Variants in EYA2 observed in about 807,000 individuals in gnomAD.
The protein encoded by EYA2 is EYA transcriptional coactivator and phosphatase 2.
A neutral mutation model predicts 69.2 loss-of-function variants in EYA2; 31 were observed. That is an observed-to-expected ratio of 0.45 (90% CI 0.34 to 0.60). The LOEUF (loss-of-function observed/expected upper bound fraction) is 0.60. EYA2 is among the 20% of genes least tolerant of loss of function. The pLI is 0.02. For synonymous variants in EYA2, 257 were observed against 279.4 expected (o/e 0.92, Z 0.80); for missense variants, 622 against 701.2 (o/e 0.89, Z 1.28).
chr20:46,997,156 C>T (rs1431510787), intron 2 of EYA2, among the ~76,000 whole-genome samples: 1 of 152,120 alleles, frequency 6.6e-6, no homozygotes, highest in East Asian at 1.9e-4. Context: ...TGTGGTTCCC[C>T]AGGCCAGCAC....
In EYA2 at chr20:47,143,214, G is replaced by T. The variant is rs887581998; in HGVS notation, c.978+66G>T. 1.9e-5 allele frequency: 25 copies of T among 1,287,096 alleles called. No homozygotes were observed. In the African/African-American group the frequency reaches 3.6e-4, roughly 19 times the overall value. The allele number at this position is 1,287,096 out of a possible 1,614,324, so 79.7% of individuals were successfully genotyped here. A position where few individuals can be genotyped will look rare whatever the true frequency, so the allele number is the denominator to read the frequency against. On this transcript the variant is annotated intron_variant, in intron 10 of 15. Transcript: ENST00000327619. ...ATCACCTGCATCTAGTTTATGGGAA[G>T]AAGGATGCTGCCTTTCCTTTCTTTT...
rs541589274 is a variant in EYA2, at chr20:47,161,375, G to A, written c.979-7764G>A. On this transcript the variant is annotated intron_variant, in intron 10 of 15. Coordinates refer to ENST00000327619, the MANE Select transcript of EYA2 (RefSeq NM_005244.5). ...CCTTGAGCCTGGTGCGCTGGCTGGC[G>A]TGGGTCTGCTTTTGTACTGGCATGA... 9 of 434,386 alleles carry A rather than the reference G, an allele frequency of 2.1e-5. No homozygotes were observed. The East Asian group carries it at 2.5e-4, about 12-fold the overall frequency. 26.9% of individuals were successfully genotyped at this position (434,386 alleles called of 1,614,324 possible).
rs140618166 is a variant in EYA2 at position 47,088,539 on chromosome 20, T to G, written c.662-700T>G. 5.5e-3 allele frequency among the ~76,000 whole-genome samples: 839 copies of G among 152,218 alleles called. 9 individuals carry two copies. Among genetic ancestry groups the G allele is most frequent in the African/African-American group, 0.019 (797 of 41,542 alleles). ...CCTTCCCTGACTAGCCCCATATAAA[T>G]GAGTCACCTTTCAGCCCTCCCCGCT... On this transcript the variant is annotated intron_variant, in intron 7 of 15. Coordinates refer to ENST00000327619, the MANE Select transcript of EYA2 (RefSeq NM_005244.5).
intron 1 of EYA2, among the ~76,000 whole-genome samples, chr20:46,945,728 A>G (rs1978416024): frequency 1.3e-5 from 2 of 152,198 alleles, no homozygotes. Flanking sequence ...GTGTTACAGG[A>G]AGGGAATGCA....
chr20:46,928,336 T>G (rs781441165), intron 1 of EYA2, among the ~76,000 whole-genome samples: 15 of 152,218 alleles, frequency 9.9e-5, no homozygotes, highest in Non-Finnish European at 1.5e-4. Flanking sequence ...TGGCCACTCT[T>G]AAGCTTCGTG....
intron 1 of EYA2, among the ~76,000 whole-genome samples, chr20:46,907,978 T>C (rs987577313): frequency 6.6e-6 from 1 of 152,222 alleles, no homozygotes; most frequent in Non-Finnish European, 1.5e-5. Flanking sequence ...AATGTGTTTT[T>C]CTCTAGAAGC....
chr20:46,987,916 G>GTC (rs1555809755), intron 1 of EYA2, among the ~76,000 whole-genome samples: 17 of 20,328 alleles, frequency 8.4e-4, no homozygotes, highest in African/African-American at 2.0e-3. Flanking sequence ...GACAGAGTAA[G>GTC]TCTCTCTCTC....
intron 1 of EYA2, among the ~76,000 whole-genome samples, chr20:46,946,884 C>T (rs558845419): frequency 1.3e-5 from 2 of 148,268 alleles, no homozygotes; most frequent in African/African-American, 5.0e-5. Context: ...TGGCCTGTTT[C>T]TACTTCTTTG....
chr20:47,105,249 T>G (rs547404274), intron 9 of EYA2, among the ~76,000 whole-genome samples: 1 of 152,216 alleles, frequency 6.6e-6, no homozygotes, highest in Non-Finnish European at 1.5e-5. Flanking sequence ...TTTGTGGTTT[T>G]AACATAGCCT....
At position 47,183,371 on chromosome 20, in the gene EYA2, G is replaced by A. The variant is rs2034575252; in HGVS notation, c.1516G>A (p.Glu506Lys). 1 of 1,613,992 alleles carries A rather than the reference G, an allele frequency of 6.2e-7. No individual in the cohort carries two copies. The highest frequency in any genetic ancestry group is 1.3e-5 in the African/African-American group (1 of 74,922). The stretch of plus-strand genomic sequence containing the variant: ...CGTGGTGATCGGTGATGGTGTGGAA[G>A]AGGAGCAAGGAGCGAAAAAGGTACT... ...VYVVIGDGVE[E>K]EQGAKKHNMP... The change falls in exon 15 of 16, where the codon GAG becomes AAG. Residue 506 changes from glutamate (E) to lysine (K), a missense_variant. This residue lies in a region of EYA2 where 257 missense variants were observed against 351.5 expected (regional missense o/e 0.73). Coordinates refer to ENST00000327619, the MANE Select transcript of EYA2 (RefSeq NM_005244.5).
chr20:47,072,310 C>T (rs1249179805), intron 6 of EYA2, 58 bp downstream of exon 6: 3 of 1,505,950 alleles, frequency 2.0e-6, no homozygotes, highest in Admixed American at 3.8e-5. Context: ...ATTCCCCTTA[C>T]ATCAGGGCAC....
intron 5 of EYA2, among the ~76,000 whole-genome samples, chr20:47,028,959 C>G (rs965832803): frequency 1.3e-5 from 2 of 152,142 alleles, no homozygotes; most frequent in Non-Finnish European, 2.9e-5. Context: ...TGCCAGAAAT[C>G]TTTTATAAGA....
intron 1 of EYA2, among the ~76,000 whole-genome samples, chr20:46,988,043 CAA>C (rs1383676396): frequency 1.7e-4 from 22 of 131,968 alleles, no homozygotes; most frequent in African/African-American, 5.5e-4. Flanking sequence ...TGTTTTAAAA[CAA>C]TGCATATAAC....
At chr20:47,047,621 A>G (rs937497605) in intron 5 of EYA2, among the ~76,000 whole-genome samples, 1 of 152,142 alleles carries the variant, frequency 6.6e-6, no homozygotes, top group Non-Finnish European at 1.5e-5. Context: ...ACCTGACCTC[A>G]GATAATCCAC....
chr20:47,108,106 G>A (rs572997663), intron 9 of EYA2, among the ~76,000 whole-genome samples: 13 of 152,290 alleles, frequency 8.5e-5, no homozygotes, highest in African/African-American at 2.9e-4. Flanking sequence ...GGAGTAGAAG[G>A]ACAGAGTCTG....
At chr20:46,994,583 C>T (rs912204252) in intron 2 of EYA2, among the ~76,000 whole-genome samples, 22 of 152,236 alleles carry the variant, frequency 1.4e-4, no homozygotes, top group African/African-American at 4.3e-4. Context: ...GGTTCCAACC[C>T]GGGGCTGACG....
intron 10 of EYA2, among the ~76,000 whole-genome samples, chr20:47,145,727 T>C (rs951677637): frequency 4.6e-5 from 7 of 151,878 alleles, no homozygotes; most frequent in Admixed American, 2.0e-4. Context: ...GATGAAACCC[T>C]GTCTCTACTA....
At chr20:47,044,035 G>A (rs771377641) in intron 5 of EYA2, among the ~76,000 whole-genome samples, 2 of 152,190 alleles carry the variant, frequency 1.3e-5, no homozygotes, top group Non-Finnish European at 2.9e-5. Context: ...CAGGGCACTA[G>A]GAAAGTGTTC....
intron 5 of EYA2, among the ~76,000 whole-genome samples, chr20:47,020,496 T>C (rs1983686930): frequency 6.6e-6 from 1 of 152,242 alleles, no homozygotes; most frequent in Non-Finnish European, 1.5e-5. Context: ...GGGGTTTTTA[T>C]AGCTGAAGTG....
Sources: allele counts gnomAD v4.1 joint callset (sites outside exome capture counted in the v4.1 genomes callset), GRCh38; gene constraint gnomAD v4.1.1; regional missense constraint gnomAD v4.1.1; transcripts MANE v1.5; gene names NCBI Gene and HGNC (gene_info 2026-07-23, HGNC 2026-07-21).